The following FGR variants were observed in gnomAD, a reference collection of about 807,000 sequenced individuals.
FGR encodes FGR proto-oncogene, Src family tyrosine kinase.
A neutral mutation model predicts 63.2 loss-of-function variants in FGR; 26 were observed. That is an observed-to-expected ratio of 0.41 (90% CI 0.30 to 0.57). FGR has a LOEUF of 0.57. Among genes scored for constraint, FGR ranks in the 20% least tolerant of loss-of-function variants. FGR has a pLI of 0.27. For missense variants in FGR, 511 were observed against 690.8 expected (o/e 0.74, Z 2.92); for synonymous variants, 286 against 277.7 (o/e 1.03, Z -0.30).
intron 3 of FGR, chr1:27,623,382 TC>T: frequency 1.7e-6 from 1 of 595,884 alleles, no homozygotes; most frequent in South Asian, 2.0e-5. Context: ...CTCCTCCTCT[TC>T]CCCACCAAGA....
intron 1 of FGR, among the ~76,000 whole-genome samples, chr1:27,627,467 C>T (rs2090040366): frequency 6.6e-6 from 1 of 152,090 alleles, no homozygotes; most frequent in Non-Finnish European, 1.5e-5. Flanking sequence ...CACACACACA[C>T]ACACACACAC....
chr1:27,621,340 A>G (rs1412558250), intron 5 of FGR, among the ~76,000 whole-genome samples: 1 of 152,238 alleles, frequency 6.6e-6, no homozygotes, highest in Non-Finnish European at 1.5e-5. Flanking sequence ...GTTAATACAC[A>G]GACAGTACTT....
intron 11 of FGR, among the ~76,000 whole-genome samples, chr1:27,613,759 G>A (rs2089745587): frequency 6.6e-6 from 1 of 151,436 alleles, no homozygotes; most frequent in South Asian, 2.1e-4. Context: ...TGAGGATTTC[G>A]GGGATCCTGA....
At chr1:27,626,036 G>A (rs1307562672) in intron 1 of FGR, 1 of 398,786 alleles carries the variant, frequency 2.5e-6, no homozygotes, top group Non-Finnish European at 4.4e-6. Flanking sequence ...GAGTGAGAGT[G>A]GATACCTACC....
chr1:27,614,440 G>A lies in FGR; in HGVS notation c.1239C>T (p.Asn413=), dbSNP rs1236061044. 2 of 1,613,338 alleles carry A rather than the reference G, an allele frequency of 1.2e-6. No individual in the cohort carries two copies. Among genetic ancestry groups the A allele is most frequent in the Non-Finnish European group, 1.7e-6 (2 of 1,179,688 alleles). The part of the protein sequence containing the change: ...LARLIKDDEY[N]PCQGSKFPIK... ...GGTGAAGCAGGGCACCTTGGCAGGG[G>A]TTGTACTCATCGTCCTTGATGAGAC... Residue 413 remains asparagine, a synonymous_variant, in exon 11 of 13, where the codon AAC becomes AAT. Transcript: ENST00000374005.
intron 10 of FGR, 133 bp downstream of exon 10, chr1:27,614,717 C>T: frequency 7.5e-7 from 1 of 1,341,000 alleles, no homozygotes; most frequent in African/African-American, 1.5e-5. Flanking sequence ...AGAGGCAGTA[C>T]CTCTCAGGCA....
intron 1 of FGR, among the ~76,000 whole-genome samples, chr1:27,628,646 AC>A (rs1205416610): frequency 1.1e-4 from 16 of 152,204 alleles, no homozygotes; most frequent in African/African-American, 3.9e-4. Flanking sequence ...TCATGTTCAC[AC>A]ACAGATACAA....
At chr1:27,627,829 G>C in intron 1 of FGR, among the ~76,000 whole-genome samples, 1 of 152,092 alleles carries the variant, frequency 6.6e-6, no homozygotes, top group East Asian at 1.9e-4. Flanking sequence ...GGCTGGTCTT[G>C]AATTCCTGAC....
At chr1:27,623,641 A>T in intron 3 of FGR, 50 bp downstream of exon 3, 5 of 1,583,366 alleles carry the variant, frequency 3.2e-6, no homozygotes, top group Non-Finnish European at 4.3e-6. Flanking sequence ...TTCTTCCCTC[A>T]GTTTCTCCCA....
intron 2 of FGR, chr1:27,624,202 G>A: frequency 2.5e-6 from 1 of 400,344 alleles, no homozygotes; most frequent in South Asian, 6.1e-5. Flanking sequence ...ATATTGCTAT[G>A]CTTATTTGCA....
At chr1:27,620,544 G>A (rs1241574092) in intron 5 of FGR, among the ~76,000 whole-genome samples, 2 of 151,996 alleles carry the variant, frequency 1.3e-5, no homozygotes, top group African/African-American at 2.4e-5. Flanking sequence ...TTGAGCTCAG[G>A]AGTTTGAGGC....
chr1:27,613,942 G>A (rs995947708), intron 11 of FGR, among the ~76,000 whole-genome samples: 10 of 152,104 alleles, frequency 6.6e-5, no homozygotes, highest in African/African-American at 1.9e-4. Context: ...TGATATGCAT[G>A]CATTAACTCA....
Position 27,616,755 on chromosome 1 carries a change from C to A in FGR, c.682+102G>T. 1 of 1,326,632 alleles carries A rather than the reference C, an allele frequency of 7.5e-7. No homozygotes were observed. The highest frequency in any genetic ancestry group is 1.2e-5 in the South Asian group (1 of 80,288). The allele number at this position is 1,326,632 out of a possible 1,614,324, so 82.2% of individuals were successfully genotyped here. On this transcript the variant is annotated intron_variant, in intron 7 of 12. Coordinates refer to ENST00000374005, the MANE Select transcript of FGR (RefSeq NM_005248.3). This position sits in a 1 kb window ranked among gnomAD's most constrained non-coding sequence, Gnocchi z 4.3. ...TCCTTGGGTTCTGGTTTCCGTCTGG[C>A]CAATACTGCTTGGTAGTCCCTTCCC...
intron 1 of FGR, among the ~76,000 whole-genome samples, chr1:27,628,241 G>A (rs930305381): frequency 6.6e-6 from 1 of 151,058 alleles, no homozygotes; most frequent in Non-Finnish European, 1.5e-5. Flanking sequence ...CACGTGCCTC[G>A]AGAGGCTGAG....
In FGR at chr1:27,615,489, CA is replaced by C. The variant is rs758544615; in HGVS notation, c.962del (p.Leu321ArgfsTer13). On this transcript the variant is annotated frameshift_variant, in exon 9 of 13. Transcript: ENST00000374005. LOFTEE classifies it high-confidence loss of function. The surrounding 1 kb of genome is among the most constrained non-coding windows in gnomAD (Gnocchi z 7.6). ...TGGGCTCCTCCGACACCACGGCGTA[CA>C]GCTGCACCAGCTTGTCGTGCCGCAG... The part of the protein sequence containing the change: ...KLLRHDKLVQ[L>X]YAVVSEEPIY... 1.2e-5 allele frequency: 19 copies of C among 1,613,186 alleles called. No homozygotes were observed. Among genetic ancestry groups the C allele is most frequent in the Non-Finnish European group, 8.5e-7 (1 of 1,179,290 alleles).
intron 4 of FGR, 149 bp from the exon 5 acceptor site, chr1:27,621,806 C>T (rs1258399779): frequency 9.4e-6 from 6 of 639,332 alleles, no homozygotes. Flanking sequence ...GTCCGCTCTG[C>T]CCCAGCCACT....
At position 27,621,541 on chromosome 1, in the gene FGR, G is replaced by T. The variant is rs767180774; in HGVS notation, c.428+18C>A. On this transcript the variant is annotated intron_variant, in intron 5 of 12. Transcript: ENST00000374005. ...GGGTCCTGTCCATAGGGCTGGTCTT[G>T]CCCCAATCCCTACTTACTCTTCAGC... The T allele has an allele frequency of 3.8e-6, 6 of 1,595,600 alleles. No homozygotes were observed. Among genetic ancestry groups the T allele is most frequent in the Non-Finnish European group, 5.2e-6 (6 of 1,163,350 alleles).
chr1:27,621,763 TCATCTTGGACACCCCCCA>T, intron 4 of FGR, 106 bp from the exon 5 acceptor site: 1 of 797,756 alleles, frequency 1.3e-6, no homozygotes, highest in Non-Finnish European at 2.2e-6. Flanking sequence ...TGCCAAACCC[TCATCTTGGACACCCCCCA>T]CCACTGGGGC....
At chr1:27,630,389 A>G (rs945858473) in intron 1 of FGR, among the ~76,000 whole-genome samples, 3 of 152,086 alleles carry the variant, frequency 2.0e-5, no homozygotes, top group Admixed American at 6.6e-5. Context: ...AGCTATCATT[A>G]GTGTTAGTGT....
Sources: gnomAD v4.1 joint callset for allele counts (sites outside exome capture counted in the v4.1 genomes callset) on GRCh38, gnomAD v4.1.1 for gene constraint, Gnocchi (gnomAD v3.1) non-coding constraint, MANE v1.5 for transcripts, NCBI Gene and HGNC (gene_info 2026-07-23, HGNC 2026-07-21) for gene names.